Variants in GRIA1 observed in about 807,000 individuals in gnomAD.
The protein encoded by GRIA1 is glutamate receptor 1.
A neutral mutation model predicts 99.2 loss-of-function variants in GRIA1; 31 were observed. That is an observed-to-expected ratio of 0.31 (90% confidence interval 0.23 to 0.42). The LOEUF is 0.42. Ranked by LOEUF, GRIA1 falls within the 10% of genes least tolerant of loss-of-function variation. The pLI, the probability that GRIA1 is intolerant of heterozygous loss-of-function variation, is 1.00. For synonymous variants in GRIA1, 438 were observed against 432.4 expected, an observed-to-expected ratio of 1.01 and a Z score of -0.16; for missense variants, 782 against 1,157.5, an observed-to-expected ratio of 0.68 and a Z score of 4.71.
intron 11 of GRIA1, among the ~76,000 whole-genome samples, chr5:153,735,163 T>C (rs952962932): frequency 2.6e-5 from 4 of 152,140 alleles, no homozygotes; most frequent in African/African-American, 9.7e-5. Context: ...ATATGTAAAA[T>C]AGACCATTAC....
chr5:153,812,808 C>T lies in GRIA1; in HGVS notation c.*1583C>T, dbSNP rs1766909689. The T allele has an allele frequency of 6.6e-6, 1 of 152,238 alleles. No individual in the cohort carries two copies. Among genetic ancestry groups the T allele is most frequent in the South Asian group, 2.1e-4 (1 of 4,838 alleles). 9.4% of individuals were successfully genotyped at this position (152,238 alleles called of 1,614,324 possible). A position where few individuals can be genotyped will look rare whatever the true frequency, so the allele number is the denominator to read the frequency against. ...ATCCCAACTCTCATTCTTGGTGCAA[C>T]TGGCTTCCAGCTCTCCAGCAGTCAC... On this transcript the variant is annotated 3_prime_UTR_variant, in exon 16 of 16. Coordinates refer to ENST00000285900, the MANE Select transcript of GRIA1 (RefSeq NM_000827.4).
intron 15 of GRIA1, among the ~76,000 whole-genome samples, chr5:153,803,869 C>T (rs948331752): frequency 6.6e-5 from 10 of 152,120 alleles, no homozygotes; most frequent in Admixed American, 3.9e-4. Context: ...CCTCCGGGGT[C>T]GCCCTTGGAG....
chr5:153,656,383 TTATATATATATA>T lies in GRIA1; in HGVS notation c.699+531_699+542del, dbSNP rs60245651. On this transcript the variant is annotated intron_variant, in intron 5 of 15. Transcript: ENST00000285900. ...TTCTATATGGCATAGATAAGTTTGTTTATATATATATATATATATATATATATATATTTGTTT... is the reference window on the plus strand; with the variant it reads ...TTCTATATGGCATAGATAAGTTTGTTTATATATATATATATATATTTGTTT... Among the ~76,000 whole-genome samples, 219 of 92,662 alleles carry T rather than the reference TTATATATATATA, an allele frequency of 2.4e-3. 4 individuals carry two copies. The highest frequency in any genetic ancestry group is 2.0e-3 in the Non-Finnish European group (89 of 43,886). The allele number at this position is 92,662 out of a possible 152,430, so 60.8% of individuals were successfully genotyped here. A position where few individuals can be genotyped will look rare whatever the true frequency, so the allele number is the denominator to read the frequency against.
intron 10 of GRIA1, among the ~76,000 whole-genome samples, chr5:153,700,700 A>G (rs1368912934): frequency 6.6e-6 from 1 of 152,218 alleles, no homozygotes; most frequent in Non-Finnish European, 1.5e-5. Flanking sequence ...CATAGAAACT[A>G]AAACACATGC....
intron 5 of GRIA1, among the ~76,000 whole-genome samples, chr5:153,665,352 A>G (rs1452271526): frequency 6.6e-6 from 1 of 152,038 alleles, no homozygotes; most frequent in Non-Finnish European, 1.5e-5. Flanking sequence ...CCTGGTTCCA[A>G]ATGTAACTGG....
chr5:153,798,375 T>C (rs1375762549), intron 14 of GRIA1, among the ~76,000 whole-genome samples: 1 of 152,140 alleles, frequency 6.6e-6, no homozygotes, highest in Non-Finnish European at 1.5e-5. Flanking sequence ...AGCTAATGGG[T>C]GGACCTTTCT....
At chr5:153,678,724 G>A (rs552316101) in intron 7 of GRIA1, among the ~76,000 whole-genome samples, 9 of 152,158 alleles carry the variant, frequency 5.9e-5, no homozygotes, top group Non-Finnish European at 8.8e-5. Flanking sequence ...TCTTAATGAC[G>A]TCCTGAAAGG....
At chr5:153,493,212 G>A (rs767375308) in intron 1 of GRIA1, among the ~76,000 whole-genome samples, 4 of 152,184 alleles carry the variant, frequency 2.6e-5, no homozygotes, top group East Asian at 1.9e-4. Flanking sequence ...TGAAGCACAA[G>A]GTTCCACCAT....
At chr5:153,798,229 G>A (rs574501436) in intron 14 of GRIA1, among the ~76,000 whole-genome samples, 11 of 152,216 alleles carry the variant, frequency 7.2e-5, no homozygotes, top group African/African-American at 2.6e-4. Flanking sequence ...TCTCACTTTG[G>A]TCTTAGCTAA....
intron 11 of GRIA1, among the ~76,000 whole-genome samples, chr5:153,750,520 C>G (rs1354745847): frequency 6.6e-6 from 1 of 152,032 alleles, no homozygotes; most frequent in African/African-American, 2.4e-5. Flanking sequence ...TCAGAGATGT[C>G]CTAGAGGGGA....
intron 11 of GRIA1, among the ~76,000 whole-genome samples, chr5:153,763,745 T>C (rs1763331860): frequency 6.6e-6 from 1 of 152,246 alleles, no homozygotes; most frequent in Non-Finnish European, 1.5e-5. Flanking sequence ...ATCTGAAAAG[T>C]TCAAAGATAA....
chr5:153,661,947 G>GTC (rs1755403015), intron 5 of GRIA1, among the ~76,000 whole-genome samples: 1 of 152,150 alleles, frequency 6.6e-6, no homozygotes, highest in African/African-American at 2.4e-5. Flanking sequence ...TGATGGAAAA[G>GTC]TCCTACCTCT....
At chr5:153,500,627 AC>A in intron 2 of GRIA1, among the ~76,000 whole-genome samples, 1 of 146,734 alleles carries the variant, frequency 6.8e-6, no homozygotes, top group African/African-American at 2.7e-5. Context: ...ACACACACAC[AC>A]ACACACACAC....
chr5:153,733,534 G>A (rs1000748408), intron 11 of GRIA1, among the ~76,000 whole-genome samples: 26 of 151,988 alleles, frequency 1.7e-4, no homozygotes, highest in African/African-American at 6.3e-4. Context: ...AAATGTAATT[G>A]GATTAAATTA....
intron 2 of GRIA1, among the ~76,000 whole-genome samples, chr5:153,630,155 G>A (rs1752834564): frequency 6.6e-6 from 1 of 152,118 alleles, no homozygotes; most frequent in South Asian, 2.1e-4. Flanking sequence ...GAGATTAAAA[G>A]AATTGATGAA....
intron 2 of GRIA1, among the ~76,000 whole-genome samples, chr5:153,639,763 C>T (rs940661805): frequency 2.0e-5 from 3 of 152,212 alleles, no homozygotes; most frequent in Admixed American, 1.3e-4. Flanking sequence ...GCCTAGCATA[C>T]ACTACACATT....
chr5:153,720,722 A>T (rs1262058360), intron 11 of GRIA1, among the ~76,000 whole-genome samples: 1 of 152,206 alleles, frequency 6.6e-6, no homozygotes, highest in Non-Finnish European at 1.5e-5. Context: ...CTATGTGCCC[A>T]TGGGTAAGTC....
chr5:153,549,513 T>C (rs1759931925), intron 2 of GRIA1, among the ~76,000 whole-genome samples: 1 of 152,060 alleles, frequency 6.6e-6, no homozygotes, highest in Admixed American at 6.6e-5. Context: ...TCCTCTAGAC[T>C]TGAGAAAGTT....
At chr5:153,598,203 T>C (rs1433245251) in intron 2 of GRIA1, among the ~76,000 whole-genome samples, 1 of 152,006 alleles carries the variant, frequency 6.6e-6, no homozygotes, top group African/African-American at 2.4e-5. Context: ...TCAAATATAC[T>C]AAGTCTTGTC....
Sources: allele counts gnomAD v4.1 joint callset (sites outside exome capture counted in the v4.1 genomes callset), GRCh38; gene constraint gnomAD v4.1.1; transcripts MANE v1.5; gene names NCBI Gene and HGNC (gene_info 2026-07-23, HGNC 2026-07-21).